Variants in SPEG observed in about 807,000 individuals in gnomAD.
The protein encoded by SPEG is striated muscle enriched protein kinase, also known as striated muscle preferentially expressed protein kinase.
Under a neutral mutation model 300.4 loss-of-function variants are expected in SPEG, and 114 were observed. The ratio of observed to expected loss-of-function variants is 0.38; its 90% CI spans 0.33 to 0.44. The LOEUF is 0.44. Among genes scored for constraint, SPEG ranks in the 20% least tolerant of loss-of-function variants. The pLI is 1.00. For missense variants in SPEG, 4,201 were observed against 4,586.2 expected, an observed-to-expected ratio of 0.92 and a Z score of 2.43; for synonymous variants, 1,964 against 2,018.9, an observed-to-expected ratio of 0.97 and a Z score of 0.73.
chr2:219,451,608 C>T lies in SPEG; in HGVS notation c.2258-17C>T. 6.6e-7 allele frequency: 1 copy of T among 1,517,492 alleles called. No homozygotes were observed. Among genetic ancestry groups the T allele is most frequent in the South Asian group, 1.3e-5 (1 of 79,190 alleles). The allele number at this position is 1,517,492 out of a possible 1,614,324, so 94.0% of individuals were successfully genotyped here. On this transcript the variant is annotated splice_polypyrimidine_tract_variant and intron_variant, in intron 5 of 40. Coordinates refer to ENST00000312358, the MANE Select transcript of SPEG (RefSeq NM_005876.5). The surrounding 1 kb of genome is among the most constrained non-coding windows in gnomAD (Gnocchi z 6.4). ...CCTGTGGGCCGTGGCGAGCCGGGTC[C>T]CTGTGCCTCCCCACAGTGTCCTGGC...
At chr2:219,441,552 G>C in intron 1 of SPEG, 1 of 470,960 alleles carries the variant, frequency 2.1e-6, no homozygotes, top group Non-Finnish European at 4.4e-6. Context: ...GAATGAGCAA[G>C]TCGAGATGCT....
At chr2:219,466,043 TTGTC>T (rs1234695497) in intron 9 of SPEG, 1 of 1,604,708 alleles carries the variant, frequency 6.2e-7, no homozygotes. Context: ...ACTGAGGTTT[TTGTC>T]TGTACACAGG....
Position 219,469,315 on chromosome 2 carries a change from C to T in SPEG, c.3651C>T (p.Pro1217=), listed in dbSNP as rs748776541. ...LECQVTGLPY[P]TISWFHNGHR... ...GCCAGGTGACCGGCCTGCCCTACCCCACCATCAGCTGGTTCCACAATGGCC... is the reference window on the plus strand; with the variant it reads ...GCCAGGTGACCGGCCTGCCCTACCCTACCATCAGCTGGTTCCACAATGGCC... Residue 1217 remains proline (P), a synonymous_variant, in exon 13 of 41, where the codon CCC becomes CCT. Transcript: ENST00000312358. 6.2e-7 allele frequency: 1 copy of T among 1,613,990 alleles called. No individual in the cohort carries two copies. The highest frequency in any genetic ancestry group is 8.5e-7 in the Non-Finnish European group (1 of 1,179,994).
At position 219,451,133 on chromosome 2, in the gene SPEG, CAG is replaced by C; in HGVS notation, c.2114_2115del. ...CTTACCCCGTTATTCCTGTGTCCGG[CAG>C]AGTCTTCGGATGACTCCTACGTGTC... is the stretch of plus-strand genomic sequence containing the variant. On this transcript the variant is annotated splice_acceptor_variant, in intron 4 of 40. Transcript: ENST00000312358. LOFTEE classifies it high-confidence loss of function. The surrounding 1 kb of genome is among the most constrained non-coding windows in gnomAD (Gnocchi z 6.4). The C allele has an allele frequency of 6.2e-7, 1 of 1,609,346 alleles. No homozygotes were observed. Among genetic ancestry groups the C allele is most frequent in the Non-Finnish European group, 8.5e-7 (1 of 1,177,942 alleles).
chr2:219,488,179 C>G lies in SPEG; in HGVS notation c.7742-15C>G. On this transcript the variant is annotated splice_polypyrimidine_tract_variant and intron_variant, in intron 31 of 40. Coordinates refer to ENST00000312358, the MANE Select transcript of SPEG (RefSeq NM_005876.5). ...GGTCCCTACAGATAGATGGCTGTCT[C>G]TGCTTTTCCTCCAGACTTCCCCCCA... The G allele has an allele frequency of 6.3e-7, 1 of 1,592,314 alleles. No homozygotes were observed. Among genetic ancestry groups the G allele is most frequent in the South Asian group, 1.1e-5 (1 of 90,040 alleles).
rs973182855 is a variant in SPEG, at chr2:219,489,325, C to G, written c.8318-11C>G. ...CAAGGCACCACGGTGATGATTTTCT[C>G]TCTCTCTTAGATTCTTCAGCTGTGC... On this transcript the variant is annotated splice_polypyrimidine_tract_variant and intron_variant, in intron 35 of 40. Transcript: ENST00000312358. The G allele has an allele frequency of 6.2e-7, 1 of 1,613,564 alleles. No homozygotes were observed. The highest frequency in any genetic ancestry group is 8.5e-7 in the Non-Finnish European group (1 of 1,179,850).
At chr2:219,490,305 C>T in intron 36 of SPEG, 104 bp from the exon 37 acceptor site, 2 of 1,460,160 alleles carry the variant, frequency 1.4e-6, no homozygotes, top group Non-Finnish European at 1.8e-6. Flanking sequence ...GGAACCACTG[C>T]ATTCTTGCCC....
Position 219,473,535 on chromosome 2 carries a change from G to A in SPEG, c.4179G>A (p.Leu1393=). 1 of 1,614,130 alleles carries A rather than the reference G, an allele frequency of 6.2e-7. No individual in the cohort carries two copies. The highest frequency in any genetic ancestry group is 8.5e-7 in the Non-Finnish European group (1 of 1,180,030). Residue 1393 remains leucine (L), a synonymous_variant, in exon 17 of 41, where the codon CTG becomes CTA. Coordinates refer to ENST00000312358, the MANE Select transcript of SPEG (RefSeq NM_005876.5). The surrounding 1 kb of genome is among the most constrained non-coding windows in gnomAD (Gnocchi z 4.6). ...GPTLEEAPAM[L]DKPDIVYVVE... Reference sequence around the variant, plus strand: ...CCCTGGAGGAGGCCCCTGCCATGCTGGACAAACCAGACATCGTGTATGTGG... The same window carrying A: ...CCCTGGAGGAGGCCCCTGCCATGCTAGACAAACCAGACATCGTGTATGTGG...
At position 219,445,267 on chromosome 2, in the gene SPEG, C is replaced by G; in HGVS notation, c.815+106C>G. Reference sequence around the variant, plus strand: ...CCACCCATCACCCTGCCCCATCCATCTCTCTGTGCATTTCTTCACCCCCTG... The same window carrying G: ...CCACCCATCACCCTGCCCCATCCATGTCTCTGTGCATTTCTTCACCCCCTG... On this transcript the variant is annotated intron_variant, in intron 3 of 40. Transcript: ENST00000312358. This position sits in a 1 kb window ranked among gnomAD's most constrained non-coding sequence, Gnocchi z 6.1. 1.8e-6 allele frequency: 2 copies of G among 1,095,952 alleles called. No homozygotes were observed. The highest frequency in any genetic ancestry group is 2.7e-6 in the Non-Finnish European group (2 of 741,660). 67.9% of individuals were successfully genotyped at this position (1,095,952 alleles called of 1,614,324 possible).
At chr2:219,455,273 C>T (rs1690087051) in intron 6 of SPEG, among the ~76,000 whole-genome samples, 1 of 152,142 alleles carries the variant, frequency 6.6e-6, no homozygotes, top group Non-Finnish European at 1.5e-5. Flanking sequence ...AAACTTTAGC[C>T]AATTGCTCTC....
chr2:219,448,204 C>T lies in SPEG; in HGVS notation c.1046C>T (p.Thr349Ile), dbSNP rs371077558. 398 of 1,612,396 alleles carry T rather than the reference C, an allele frequency of 2.5e-4. No individual in the cohort carries two copies. Among genetic ancestry groups the T allele is most frequent in the Non-Finnish European group, 3.3e-4 (388 of 1,179,634 alleles). ...TQEPVLPEDT[T>I]TEEKRGKKSK... ...GAGCCTGTGCTGCCCGAGGACACCA[C>T]CACCGAAGAGAAGCGAGGGAAGAAG... The change falls in exon 4 of 41, where the codon ACC (threonine) becomes ATC (isoleucine). Residue 349 changes from threonine (T) to isoleucine (I), a missense_variant. Around this residue, in one of 4 missense-constraint regions of SPEG, gnomAD observed 1,258 missense variants for 1,293.9 expected, o/e 0.97. Coordinates refer to ENST00000312358, the MANE Select transcript of SPEG (RefSeq NM_005876.5).
At chr2:219,476,627 C>G (rs1275007859) in intron 18 of SPEG, among the ~76,000 whole-genome samples, 1 of 150,356 alleles carries the variant, frequency 6.7e-6, no homozygotes, top group East Asian at 2.0e-4. Context: ...CACCTTGTGC[C>G]AGGTTTCCTC....
At chr2:219,465,968 C>A (rs79735608) in intron 9 of SPEG, 1 of 1,131,424 alleles carries the variant, frequency 8.8e-7, no homozygotes, top group Non-Finnish European at 1.3e-6. Context: ...CGTGTGCATG[C>A]GTGTGTGTGC....
In SPEG at chr2:219,448,566, T is replaced by G; in HGVS notation, c.1408T>G (p.Phe470Val). ...PGSVAERRRLFQQKAASLDER... is the reference protein window; with the variant it reads ...PGSVAERRRLVQQKAASLDER... ...CAGCGTGGCCGAGCGGCGCCGCCTG[T>G]TCCAGCAGAAAGCGGCCTCGCTGGA... Residue 470 changes from phenylalanine to valine, a missense_variant, in exon 4 of 41, where the codon TTC (phenylalanine) becomes GTC (valine). By Grantham distance (50) the Phe-to-Val change is conservative. Transcript: ENST00000312358. 2.1e-6 allele frequency: 3 copies of G among 1,451,980 alleles called. No individual in the cohort carries two copies. The highest frequency in any genetic ancestry group is 2.7e-6 in the Non-Finnish European group (3 of 1,110,136). The allele number at this position is 1,451,980 out of a possible 1,614,324, so 89.9% of individuals were successfully genotyped here.
intron 6 of SPEG, among the ~76,000 whole-genome samples, chr2:219,452,065 AGCCATCCTCTAAAT>A (rs765421087): frequency 9.4e-4 from 143 of 152,352 alleles, no homozygotes; most frequent in Non-Finnish European, 1.9e-3. Flanking sequence ...ATTTGTGTTT[AGCCATCCTCTAAAT>A]GCCATCCTCC....
rs1313900202 is a variant in SPEG at position 219,479,542 on chromosome 2, G to A, written c.5086-241G>A. Among the ~76,000 whole-genome samples the A allele has an allele frequency of 6.6e-6, 1 of 152,190 alleles. No homozygotes were observed. Among genetic ancestry groups the A allele is most frequent in the Non-Finnish European group, 1.5e-5 (1 of 68,028 alleles). On this transcript the variant is annotated intron_variant, in intron 23 of 40. Transcript: ENST00000312358. This position sits in a 1 kb window ranked among gnomAD's most constrained non-coding sequence, Gnocchi z 5.5. ...CACTGCAGTCCTGCCACGTCAGGCT[G>A]TACATGTTGTGCACTGCACAATTCT...
chr2:219,469,500 G>C, intron 13 of SPEG, 121 bp downstream of exon 13: 1 of 830,488 alleles, frequency 1.2e-6, no homozygotes, highest in Non-Finnish European at 1.9e-6. Flanking sequence ...GGGACAGGGT[G>C]CCTGGGGGAA....
chr2:219,478,709 T>G (rs1692560758), intron 22 of SPEG, among the ~76,000 whole-genome samples: 1 of 152,190 alleles, frequency 6.6e-6, no homozygotes, highest in Non-Finnish European at 1.5e-5. Flanking sequence ...CTGTTTGAAT[T>G]CAAACCTCAG....
At chr2:219,466,348 C>A in intron 9 of SPEG, 2 of 1,400,470 alleles carry the variant, frequency 1.4e-6, no homozygotes, top group Non-Finnish European at 1.8e-6. Flanking sequence ...GTATCAACCC[C>A]CCGAGTCTCT....
Sources: allele counts gnomAD v4.1 joint callset (sites outside exome capture counted in the v4.1 genomes callset), GRCh38; gene constraint gnomAD v4.1.1; regional missense constraint gnomAD v4.1.1; non-coding constraint Gnocchi (gnomAD v3.1); transcripts MANE v1.5; gene names NCBI Gene and HGNC (gene_info 2026-07-23, HGNC 2026-07-21).